LDLRAD4: variants seen among roughly 807,000 people sequenced by gnomAD.
LDLRAD4 encodes the protein low-density lipoprotein receptor class A domain-containing protein 4.
A neutral mutation model predicts 17.0 loss-of-function variants in LDLRAD4; 5 were observed. That is an observed-to-expected ratio of 0.29 (90% CI 0.15 to 0.62). LDLRAD4 has a LOEUF of 0.62. LDLRAD4 is among the 20% of genes least tolerant of loss of function. The pLI is 0.84. For synonymous variants in LDLRAD4, 168 were observed against 171.8 expected (o/e 0.98, Z 0.17); for missense variants, 340 against 424.7 (o/e 0.80, Z 1.75).
At chr18:13,437,738 T>C (rs1031531396) in intron 2 of LDLRAD4, among the ~76,000 whole-genome samples, 4 of 152,216 alleles carry the variant, frequency 2.6e-5, no homozygotes, top group Non-Finnish European at 4.4e-5. Flanking sequence ...AGGTGAAATA[T>C]GTTGTCCAGA....
chr18:13,517,379 A>G (rs77962887), intron 3 of LDLRAD4, among the ~76,000 whole-genome samples: 6,416 of 152,292 alleles, frequency 0.042, 218 homozygotes, highest in Non-Finnish European at 0.057. Flanking sequence ...CACGATACAC[A>G]TGAGTAATGA....
intron 3 of LDLRAD4, among the ~76,000 whole-genome samples, chr18:13,543,841 G>T (rs930986349): frequency 1.3e-5 from 2 of 152,196 alleles, no homozygotes; most frequent in African/African-American, 2.4e-5. Context: ...AAAAACGACC[G>T]CCAACGGGGC....
intron 3 of LDLRAD4, among the ~76,000 whole-genome samples, chr18:13,517,839 T>C (rs1052487045): frequency 6.6e-6 from 1 of 152,034 alleles, no homozygotes; most frequent in South Asian, 2.1e-4. Context: ...CCCGGGCTCA[T>C]GCCATTCTCC....
chr18:13,411,908 T>C (rs1042844823), intron 2 of LDLRAD4, among the ~76,000 whole-genome samples: 2 of 152,188 alleles, frequency 1.3e-5, no homozygotes, highest in Non-Finnish European at 2.9e-5. Flanking sequence ...AGTGGGGCAA[T>C]CATGGCTCAC....
rs138095259 is a variant in LDLRAD4, at chr18:13,490,924, T to C, written c.181+52540T>C. On this transcript the variant is annotated intron_variant, in intron 3 of 5. Transcript: ENST00000359446. Reference sequence around the variant, plus strand: ...TGTCCCCTTTAGATCTGGGCCTCTGTCTCTGGACGATATTCTGTATCTCCA... The same window carrying C: ...TGTCCCCTTTAGATCTGGGCCTCTGCCTCTGGACGATATTCTGTATCTCCA... Among the ~76,000 whole-genome samples the C allele has an allele frequency of 1.9e-3, 284 of 152,276 alleles. 1 individual carries two copies. Among genetic ancestry groups the C allele is most frequent in the African/African-American group, 6.6e-3 (276 of 41,546 alleles).
chr18:13,434,185 T>C (rs955587928), intron 2 of LDLRAD4, among the ~76,000 whole-genome samples: 1 of 151,392 alleles, frequency 6.6e-6, no homozygotes, highest in African/African-American at 2.4e-5. Context: ...GATTGTGTTA[T>C]TACCAGAAGT....
chr18:13,318,173 G>C (rs930274557), intron 1 of LDLRAD4, among the ~76,000 whole-genome samples: 1 of 152,194 alleles, frequency 6.6e-6, no homozygotes, highest in African/African-American at 2.4e-5. Context: ...CTCACCTGGA[G>C]CTTCCGGCTT....
intron 1 of LDLRAD4, among the ~76,000 whole-genome samples, chr18:13,281,358 T>C (rs906340110): frequency 9.2e-5 from 14 of 152,164 alleles, no homozygotes; most frequent in African/African-American, 3.4e-4. Flanking sequence ...CACTGCACTC[T>C]AGCCTGGGCA....
chr18:13,293,364 G>A (rs1202323344), intron 1 of LDLRAD4, among the ~76,000 whole-genome samples: 1 of 152,194 alleles, frequency 6.6e-6, no homozygotes, highest in Non-Finnish European at 1.5e-5. Context: ...TAAATCAGCA[G>A]TATTTGACTG....
chr18:13,368,380 A>G (rs547559034), intron 1 of LDLRAD4, among the ~76,000 whole-genome samples: 26 of 152,238 alleles, frequency 1.7e-4, no homozygotes, highest in Non-Finnish European at 3.7e-4. Flanking sequence ...CACTGTGGGC[A>G]TGTGAGGTGT....
intron 3 of LDLRAD4, among the ~76,000 whole-genome samples, chr18:13,574,885 C>T (rs2094746857): frequency 6.6e-6 from 1 of 152,156 alleles, no homozygotes; most frequent in African/African-American, 2.4e-5. Context: ...ATCTGGGACA[C>T]CCCTCCCTTT....
intron 3 of LDLRAD4, among the ~76,000 whole-genome samples, chr18:13,492,511 C>G (rs895543936): frequency 3.3e-5 from 5 of 152,216 alleles, no homozygotes; most frequent in African/African-American, 1.2e-4. Context: ...GTAGCAGCTC[C>G]TTGGCAAACA....
chr18:13,225,140 G>C (rs951631068), intron 1 of LDLRAD4, among the ~76,000 whole-genome samples: 1 of 152,200 alleles, frequency 6.6e-6, no homozygotes, highest in Admixed American at 6.5e-5. Flanking sequence ...CAGGCCAAGA[G>C]TCTCTGTTTT....
intron 3 of LDLRAD4, among the ~76,000 whole-genome samples, chr18:13,441,604 G>C (rs908766795): frequency 6.6e-6 from 1 of 152,176 alleles, no homozygotes; most frequent in African/African-American, 2.4e-5. Flanking sequence ...TTTCCTGGCC[G>C]TGCCGTTAGC....
chr18:13,472,878 G>A (rs2092817236), intron 3 of LDLRAD4, among the ~76,000 whole-genome samples: 1 of 152,196 alleles, frequency 6.6e-6, no homozygotes, highest in Non-Finnish European at 1.5e-5. Flanking sequence ...TTTTTCTTGA[G>A]TAATGTGTAG....
intron 3 of LDLRAD4, among the ~76,000 whole-genome samples, chr18:13,610,305 T>TTCTA (rs1491536129): frequency 8.2e-5 from 2 of 24,328 alleles, no homozygotes; most frequent in African/African-American, 2.7e-4. Flanking sequence ...TTTTTTTTTT[T>TTCTA]GAGACGGAGT....
intron 1 of LDLRAD4, among the ~76,000 whole-genome samples, chr18:13,230,978 T>G (rs2042041410): frequency 6.6e-6 from 1 of 152,182 alleles, no homozygotes; most frequent in Non-Finnish European, 1.5e-5. Context: ...AGGGTGAGAT[T>G]ATTTATTCAT....
chr18:13,610,831 T>C, intron 3 of LDLRAD4, among the ~76,000 whole-genome samples: 1 of 152,172 alleles, frequency 6.6e-6, no homozygotes, highest in East Asian at 1.9e-4. Flanking sequence ...TCCCTCTTCA[T>C]TCACCCAGCA....
At chr18:13,272,836 C>T (rs1195666442) in intron 1 of LDLRAD4, among the ~76,000 whole-genome samples, 1 of 152,216 alleles carries the variant, frequency 6.6e-6, no homozygotes, top group Non-Finnish European at 1.5e-5. Context: ...TAGCTCTTCA[C>T]TGAGGCCAGA....
Sources: allele counts gnomAD v4.1 joint callset (sites outside exome capture counted in the v4.1 genomes callset), GRCh38; gene constraint gnomAD v4.1.1; transcripts MANE v1.5; gene names NCBI Gene and HGNC (gene_info 2026-07-23, HGNC 2026-07-21).